Variants in VSNL1 observed in about 807,000 individuals in gnomAD.
VSNL1 encodes visinin-like protein 1.
VSNL1 carries 6 observed loss-of-function variants against 20.4 expected under a neutral mutation model. The observed-to-expected ratio is 0.29, with a 90% CI of 0.16 to 0.58. The LOEUF is 0.58. Among genes scored for constraint, VSNL1 ranks in the 20% least tolerant of loss-of-function variants. The pLI, the probability that VSNL1 is intolerant of heterozygous loss-of-function variation, is 0.90. For synonymous variants in VSNL1, 93 were observed against 86.4 expected, an observed-to-expected ratio of 1.08 and a Z score of -0.42; for missense variants, 100 against 234.5, an observed-to-expected ratio of 0.43 and a Z score of 3.75.
intron 2 of VSNL1, among the ~76,000 whole-genome samples, chr2:17,626,866 G>C (rs11678187): frequency 0.25 from 37,557 of 152,154 alleles, 6,049 homozygotes; most frequent in Middle Eastern, 0.49. Flanking sequence ...AAGAACTGCG[G>C]CTCTCAGATG....
chr2:17,588,328 A>G (rs1353495035), intron 1 of VSNL1, among the ~76,000 whole-genome samples: 1 of 152,222 alleles, frequency 6.6e-6, no homozygotes, highest in African/African-American at 2.4e-5. Context: ...AGAGTTGGAA[A>G]GGCCTTAAAG....
chr2:17,550,117 A>C (rs1171148962), intron 1 of VSNL1, among the ~76,000 whole-genome samples: 1 of 152,196 alleles, frequency 6.6e-6, no homozygotes, highest in Non-Finnish European at 1.5e-5. Flanking sequence ...TGTGACAATA[A>C]AAAATTTATT....
chr2:17,592,367 A>G, intron 2 of VSNL1, 131 bp downstream of exon 2: 1 of 972,424 alleles, frequency 1.0e-6, no homozygotes, highest in Admixed American at 2.5e-5. Flanking sequence ...TCCATCCAGA[A>G]AGAAAAATTA....
intron 2 of VSNL1, among the ~76,000 whole-genome samples, chr2:17,594,024 T>C (rs1269017421): frequency 6.6e-6 from 1 of 152,214 alleles, no homozygotes; most frequent in South Asian, 2.1e-4. Flanking sequence ...CCTCACTATT[T>C]GTTTAAAATG....
intron 2 of VSNL1, among the ~76,000 whole-genome samples, chr2:17,641,244 T>C (rs532391519): frequency 6.6e-6 from 1 of 152,334 alleles, no homozygotes; most frequent in South Asian, 2.1e-4. Context: ...AAATCTGCTG[T>C]TCTACCCACT....
intron 1 of VSNL1, among the ~76,000 whole-genome samples, chr2:17,564,650 G>A (rs1663896003): frequency 6.6e-6 from 1 of 152,048 alleles, no homozygotes; most frequent in African/African-American, 2.4e-5. Context: ...AAACGGCTGT[G>A]CCTAGTATCT....
chr2:17,623,695 A>G (rs912289903), intron 2 of VSNL1, among the ~76,000 whole-genome samples: 6 of 149,004 alleles, frequency 4.0e-5, no homozygotes, highest in Non-Finnish European at 4.5e-5. Flanking sequence ...AAAAAAAATC[A>G]GAGCAACCCC....
intron 2 of VSNL1, among the ~76,000 whole-genome samples, chr2:17,612,633 G>T (rs1665117094): frequency 6.6e-6 from 1 of 152,132 alleles, no homozygotes; most frequent in Non-Finnish European, 1.5e-5. Context: ...TTCACCTGAT[G>T]GGGCCCATCC....
At chr2:17,554,423 T>C (rs1218715199) in intron 1 of VSNL1, among the ~76,000 whole-genome samples, 1 of 152,218 alleles carries the variant, frequency 6.6e-6, no homozygotes, top group East Asian at 1.9e-4. Context: ...TCATGGTGAC[T>C]GAGATCACCT....
chr2:17,559,066 G>A (rs771670391), intron 1 of VSNL1, among the ~76,000 whole-genome samples: 1 of 151,974 alleles, frequency 6.6e-6, no homozygotes, highest in Non-Finnish European at 1.5e-5. Flanking sequence ...TCCTTAGCAG[G>A]TGGCTTGCAC....
In VSNL1 at chr2:17,598,556, A is replaced by AT. The variant is rs1159897803; in HGVS notation, c.162+6321dup. Among the ~76,000 whole-genome samples the AT allele has an allele frequency of 2.0e-5, 3 of 152,348 alleles. No individual in the cohort carries two copies. In the East Asian group the frequency reaches 5.8e-4, roughly 29 times the overall value. On this transcript the variant is annotated intron_variant, in intron 2 of 3. Coordinates refer to ENST00000295156, the MANE Select transcript of VSNL1 (RefSeq NM_003385.5). The stretch of plus-strand genomic sequence containing the variant: ...CAGGTGGTTCTAAAGGACAAAATCT[A>AT]TAAGTGACATTTTGAAAAACACTAA...
At chr2:17,611,296 T>G (rs750094893) in intron 2 of VSNL1, among the ~76,000 whole-genome samples, 2 of 152,228 alleles carry the variant, frequency 1.3e-5, no homozygotes, top group Non-Finnish European at 2.9e-5. Flanking sequence ...ATGACTAAGC[T>G]GCGCATAGGT....
At chr2:17,607,696 GT>G (rs568135231) in intron 2 of VSNL1, among the ~76,000 whole-genome samples, 127 of 152,330 alleles carry the variant, frequency 8.3e-4, no homozygotes, top group African/African-American at 2.9e-3. Context: ...CTGTGTCTTA[GT>G]CATCTCTGTA....
intron 2 of VSNL1, among the ~76,000 whole-genome samples, chr2:17,604,345 A>C (rs1664897536): frequency 1.3e-5 from 2 of 152,230 alleles, no homozygotes; most frequent in Non-Finnish European, 2.9e-5. Flanking sequence ...GATTTCCCTC[A>C]TGTGGTCTGT....
In VSNL1 at chr2:17,592,073, G is replaced by A; in HGVS notation, c.-2G>A. On this transcript the variant is annotated 5_prime_UTR_variant, in exon 2 of 4. Coordinates refer to ENST00000295156, the MANE Select transcript of VSNL1 (RefSeq NM_003385.5). ...GAATTAATTTGCTTTTCTTCAGGCAGGATGGGGAAGCAGAATAGCAAACTG... is the reference window on the plus strand; with the variant it reads ...GAATTAATTTGCTTTTCTTCAGGCAAGATGGGGAAGCAGAATAGCAAACTG... 6.2e-7 allele frequency: 1 copy of A among 1,613,650 alleles called. No homozygotes were observed. The highest frequency in any genetic ancestry group is 1.1e-5 in the South Asian group (1 of 91,062).
chr2:17,592,308 C>T (rs1468649715), intron 2 of VSNL1, 72 bp downstream of exon 2: 6 of 1,498,146 alleles, frequency 4.0e-6, no homozygotes, highest in Admixed American at 1.8e-5. Flanking sequence ...TGTACCCTCA[C>T]ATGGAATTAT....
intron 2 of VSNL1, among the ~76,000 whole-genome samples, chr2:17,639,206 T>C (rs534802024): frequency 1.8e-4 from 27 of 152,204 alleles, no homozygotes; most frequent in Non-Finnish European, 3.7e-4. Flanking sequence ...GATGGAAATA[T>C]TGGTTTTGAG....
intron 1 of VSNL1, among the ~76,000 whole-genome samples, chr2:17,568,811 C>T (rs781587698): frequency 1.4e-4 from 22 of 152,174 alleles, no homozygotes; most frequent in Non-Finnish European, 3.1e-4. Flanking sequence ...TTATCTCACT[C>T]TCATTTTGAA....
chr2:17,649,557 GC>G lies in VSNL1; in HGVS notation c.312del (p.Phe105SerfsTer28). The G allele has an allele frequency of 6.2e-7, 1 of 1,614,170 alleles. No homozygotes were observed. The highest frequency in any genetic ancestry group is 8.5e-7 in the Non-Finnish European group (1 of 1,180,028). On this transcript the variant is annotated frameshift_variant, in exon 3 of 4. Coordinates refer to ENST00000295156, the MANE Select transcript of VSNL1 (RefSeq NM_003385.5). LOFTEE classifies it high-confidence loss of function. This position sits in a 1 kb window ranked among gnomAD's most constrained non-coding sequence, Gnocchi z 6.4. Reference sequence around the variant, plus strand: ...CAGCTTTGAGCAGAAGCTGAACTGGGCCTTCAATATGTATGACCTGGATGGT... The same window carrying G: ...CAGCTTTGAGCAGAAGCTGAACTGGGCTTCAATATGTATGACCTGGATGGT... The part of the protein sequence containing the change: ...RGSFEQKLNW[A>X]FNMYDLDGDG...
Sources: allele counts gnomAD v4.1 joint callset (sites outside exome capture counted in the v4.1 genomes callset), GRCh38; gene constraint gnomAD v4.1.1; non-coding constraint Gnocchi (gnomAD v3.1); transcripts MANE v1.5; gene names NCBI Gene and HGNC (gene_info 2026-07-23, HGNC 2026-07-21).